SGCD: variants seen among roughly 807,000 people sequenced by gnomAD.
The protein encoded by SGCD is delta-sarcoglycan.
Under a neutral mutation model 36.6 loss-of-function variants are expected in SGCD, and 18 were observed. The ratio of observed to expected loss-of-function variants is 0.49; its 90% confidence interval spans 0.34 to 0.73. The LOEUF is 0.73. Ranked by LOEUF, SGCD falls within the 30% of genes least tolerant of loss-of-function variation. SGCD has a pLI of 0.01. For missense variants in SGCD, 387 were observed against 346.7 expected, an observed-to-expected ratio of 1.12 and a Z score of -0.92; for synonymous variants, 133 against 130.6, an observed-to-expected ratio of 1.02 and a Z score of -0.12.
the SGCD span, among the ~76,000 whole-genome samples, chr5:155,862,160 G>A: frequency 6.6e-6 from 1 of 152,050 alleles, no homozygotes; most frequent in South Asian, 2.1e-4. Flanking sequence ...TGCAAATGGT[G>A]TTTTCACCCT....
chr5:156,167,368 T>A (rs1039184468), intron 3 of SGCD, among the ~76,000 whole-genome samples: 1 of 152,072 alleles, frequency 6.6e-6, no homozygotes, highest in Non-Finnish European at 1.5e-5. Context: ...AGGGCATAAC[T>A]GTGTTTGTCT....
chr5:156,529,739 T>C (rs1417047147), intron 4 of SGCD, among the ~76,000 whole-genome samples: 4 of 152,238 alleles, frequency 2.6e-5, no homozygotes, highest in African/African-American at 7.2e-5. Context: ...CATATGAAAT[T>C]ATAATCATAT....
chr5:155,749,981 T>G, the SGCD span, among the ~76,000 whole-genome samples: 1 of 152,254 alleles, frequency 6.6e-6, no homozygotes, highest in African/African-American at 2.4e-5. Flanking sequence ...GTAATGACTT[T>G]AGTTGTCACT....
At chr5:155,908,221 GT>G (rs749967569) in intron 1 of SGCD, among the ~76,000 whole-genome samples, 53 of 152,108 alleles carry the variant, frequency 3.5e-4, no homozygotes, top group South Asian at 6.2e-4. Context: ...AACCAAAACG[GT>G]TGTTACTCAC....
At chr5:156,710,046 A>C (rs1283364619) in intron 7 of SGCD, among the ~76,000 whole-genome samples, 1 of 151,784 alleles carries the variant, frequency 6.6e-6, no homozygotes, top group African/African-American at 2.4e-5. Flanking sequence ...ATCTTGGGAG[A>C]GTTTTCTTGC....
At chr5:156,679,260 C>G (rs1320657736) in intron 7 of SGCD, among the ~76,000 whole-genome samples, 2 of 152,154 alleles carry the variant, frequency 1.3e-5, no homozygotes, top group African/African-American at 4.8e-5. Flanking sequence ...TCAATGTATT[C>G]AGTTTAAGAC....
chr5:155,866,807 G>A (rs552773148), upstream of SGCD, among the ~76,000 whole-genome samples: 17 of 152,244 alleles, frequency 1.1e-4, no homozygotes, highest in African/African-American at 3.6e-4. Flanking sequence ...CCCAAAGTTT[G>A]TCTGGAAACT....
chr5:156,470,419 T>C (rs1448595539), intron 3 of SGCD, among the ~76,000 whole-genome samples: 1 of 152,136 alleles, frequency 6.6e-6, no homozygotes, highest in Non-Finnish European at 1.5e-5. Context: ...TGTATACATG[T>C]GCCATGCCGG....
At chr5:156,524,569 A>G (rs1757569449) in intron 4 of SGCD, among the ~76,000 whole-genome samples, 1 of 151,894 alleles carries the variant, frequency 6.6e-6, no homozygotes, top group South Asian at 2.1e-4. Context: ...ACCACCTCAC[A>G]TAATTGCCTT....
chr5:156,444,146 TTC>T (rs1753654936), intron 3 of SGCD, among the ~76,000 whole-genome samples: 1 of 50,098 alleles, frequency 2.0e-5, no homozygotes, highest in Non-Finnish European at 4.0e-5. Context: ...CTCCTTCCCT[TTC>T]TCTCTCTCCT....
At chr5:156,597,640 T>A (rs1321029302) in intron 6 of SGCD, among the ~76,000 whole-genome samples, 1 of 152,206 alleles carries the variant, frequency 6.6e-6, no homozygotes, top group Non-Finnish European at 1.5e-5. Context: ...GGTGAGGATT[T>A]GAAAGGGGAG....
intron 3 of SGCD, among the ~76,000 whole-genome samples, chr5:156,315,538 C>G (rs1485708897): frequency 6.6e-6 from 1 of 151,966 alleles, no homozygotes; most frequent in African/African-American, 2.4e-5. Flanking sequence ...GTAAGCATCT[C>G]TTCAAGATAG....
chr5:156,323,779 C>T (rs1767734827), upstream of SGCD, among the ~76,000 whole-genome samples: 1 of 152,084 alleles, frequency 6.6e-6, no homozygotes. Context: ...TGGAAGGATT[C>T]CAGCAGGCAC....
intron 3 of SGCD, among the ~76,000 whole-genome samples, chr5:156,415,183 A>G (rs1772961283): frequency 6.6e-6 from 1 of 152,208 alleles, no homozygotes; most frequent in South Asian, 2.1e-4. Flanking sequence ...GAATCTTAAT[A>G]CAAACTCTTA....
intron 3 of SGCD, among the ~76,000 whole-genome samples, chr5:156,243,291 A>G (rs138163134): frequency 4.5e-4 from 68 of 152,340 alleles, no homozygotes; most frequent in African/African-American, 1.5e-3. Context: ...GCAGGAAAGC[A>G]GTAGCTAGAT....
intron 3 of SGCD, among the ~76,000 whole-genome samples, chr5:156,390,763 A>T (rs1199083204): frequency 1.3e-5 from 2 of 152,150 alleles, no homozygotes; most frequent in African/African-American, 2.4e-5. Flanking sequence ...ATATGAAAAA[A>T]ATTTTTTAAT....
intron 1 of SGCD, among the ~76,000 whole-genome samples, chr5:155,921,453 T>A (rs1269332274): frequency 1.3e-5 from 2 of 152,024 alleles, no homozygotes; most frequent in African/African-American, 4.8e-5. Flanking sequence ...CCTTGTTTTA[T>A]TTAAGAAGGG....
At chr5:156,680,511 C>A (rs1753680086) in intron 7 of SGCD, among the ~76,000 whole-genome samples, 1 of 152,176 alleles carries the variant, frequency 6.6e-6, no homozygotes, top group Non-Finnish European at 1.5e-5. Context: ...GGCTGAAATG[C>A]ACTCACTGGG....
chr5:156,627,143 G>T (rs1032994691), intron 6 of SGCD, among the ~76,000 whole-genome samples: 1 of 152,140 alleles, frequency 6.6e-6, no homozygotes, highest in South Asian at 2.1e-4. Context: ...AAAGTTCTTT[G>T]CTCTAATGAA....
Sources: gnomAD v4.1 joint callset for allele counts (sites outside exome capture counted in the v4.1 genomes callset) on GRCh38, gnomAD v4.1.1 for gene constraint, MANE v1.5 for transcripts, NCBI Gene and HGNC (gene_info 2026-07-23, HGNC 2026-07-21) for gene names.